FOXN3: variants seen among roughly 807,000 people sequenced by gnomAD.
FOXN3 encodes forkhead box N3, also known as forkhead box protein N3.
A neutral mutation model predicts 38.4 loss-of-function variants in FOXN3; 7 were observed. The observed-to-expected ratio is 0.18, with a 90% CI of 0.10 to 0.34. FOXN3 has a LOEUF of 0.34. Among genes scored for constraint, FOXN3 ranks in the 10% least tolerant of loss-of-function variants. The pLI, the probability that FOXN3 is intolerant of heterozygous loss-of-function variation, is 1.00. For synonymous variants in FOXN3, 230 were observed against 242.2 expected, an observed-to-expected ratio of 0.95 and a Z score of 0.47; for missense variants, 456 against 613.4, an observed-to-expected ratio of 0.74 and a Z score of 2.71.
intron 4 of FOXN3, among the ~76,000 whole-genome samples, chr14:89,245,077 A>G (rs966059611): frequency 2.6e-5 from 4 of 152,250 alleles, no homozygotes; most frequent in Non-Finnish European, 5.9e-5. Flanking sequence ...AATGAATTTT[A>G]TAGATGAGAA....
chr14:89,334,857 T>G (rs1291009537), intron 3 of FOXN3, among the ~76,000 whole-genome samples: 2 of 151,994 alleles, frequency 1.3e-5, no homozygotes, highest in Non-Finnish European at 2.9e-5. Context: ...AACCTCCGCC[T>G]CGCAGGTTCA....
intron 1 of FOXN3, among the ~76,000 whole-genome samples, chr14:89,461,865 G>A (rs1046599667): frequency 2.6e-5 from 4 of 152,148 alleles, no homozygotes; most frequent in African/African-American, 9.7e-5. Context: ...AGAAAGCCTT[G>A]ATAGCACCCA....
intron 1 of FOXN3, among the ~76,000 whole-genome samples, chr14:89,611,537 TG>T (rs1170353007): frequency 6.6e-6 from 1 of 152,146 alleles, no homozygotes; most frequent in African/African-American, 2.4e-5. Context: ...CCGGGCGCGG[TG>T]GCTCACGCCT....
intron 2 of FOXN3, among the ~76,000 whole-genome samples, chr14:89,381,049 C>T (rs1001533132): frequency 6.2e-5 from 9 of 145,094 alleles, no homozygotes; most frequent in African/African-American, 1.3e-4. Context: ...GGCTGAGGCA[C>T]GAGAATCACC....
chr14:89,571,884 G>C (rs928222791), intron 1 of FOXN3, among the ~76,000 whole-genome samples: 1 of 152,170 alleles, frequency 6.6e-6, no homozygotes, highest in Non-Finnish European at 1.5e-5. Context: ...TGAGTAGCAT[G>C]GTCCTTGATC....
intron 1 of FOXN3, among the ~76,000 whole-genome samples, chr14:89,454,923 A>AT: frequency 6.6e-6 from 1 of 152,274 alleles, no homozygotes; most frequent in South Asian, 2.1e-4. Flanking sequence ...TATGGTTCCT[A>AT]TATGTTCCAG....
Position 89,297,841 on chromosome 14 carries a change from C to T in FOXN3, c.681-16827G>A, listed in dbSNP as rs28819789. ...AAAAAAAAATTTTTTTTTAAGTCACCGGGTGTGGTGGCACACACCTGTAGT... is the reference window on the plus strand; with the variant it reads ...AAAAAAAAATTTTTTTTTAAGTCACTGGGTGTGGTGGCACACACCTGTAGT... On this transcript the variant is annotated intron_variant, in intron 3 of 5. Coordinates refer to ENST00000557258, the MANE Select transcript of FOXN3 (RefSeq NM_005197.4). Among the ~76,000 whole-genome samples the T allele has an allele frequency of 2.8e-3, 422 of 152,118 alleles. 3 individuals carry two copies. The highest frequency in any genetic ancestry group is 9.0e-3 in the African/African-American group (373 of 41,486).
intron 4 of FOXN3, among the ~76,000 whole-genome samples, chr14:89,200,203 A>G: frequency 6.6e-6 from 1 of 152,158 alleles, no homozygotes; most frequent in Admixed American, 6.5e-5. Flanking sequence ...AAATACAGTG[A>G]CTGGTAAACT....
At chr14:89,472,584 G>C (rs140726922) in intron 1 of FOXN3, among the ~76,000 whole-genome samples, 1 of 151,898 alleles carries the variant, frequency 6.6e-6, no homozygotes, top group Admixed American at 6.6e-5. Flanking sequence ...AGCTGGGCGT[G>C]GTGGCGGACG....
chr14:89,250,947 C>T (rs1456911452), intron 4 of FOXN3, among the ~76,000 whole-genome samples: 1 of 152,200 alleles, frequency 6.6e-6, no homozygotes, highest in Admixed American at 6.5e-5. Context: ...CCTCCCCAGC[C>T]AGGTGGAACT....
At chr14:89,505,372 C>A (rs1445296105) in intron 1 of FOXN3, among the ~76,000 whole-genome samples, 5 of 151,856 alleles carry the variant, frequency 3.3e-5, no homozygotes, top group Non-Finnish European at 7.4e-5. Context: ...TGCAACCTCC[C>A]TGCCTGTTTC....
At chr14:89,292,940 C>T (rs1454331294) in intron 3 of FOXN3, among the ~76,000 whole-genome samples, 2 of 152,230 alleles carry the variant, frequency 1.3e-5, no homozygotes, top group African/African-American at 4.8e-5. Context: ...ATCCTTTCCA[C>T]CTTTAGCTAC....
At chr14:89,443,435 T>C (rs888655127) in intron 1 of FOXN3, among the ~76,000 whole-genome samples, 8 of 152,140 alleles carry the variant, frequency 5.3e-5, no homozygotes, top group African/African-American at 1.4e-4. Context: ...AAAGACAATA[T>C]GTGATAAGGG....
At chr14:89,454,714 C>CTTA (rs1485120491) in intron 1 of FOXN3, among the ~76,000 whole-genome samples, 3 of 152,196 alleles carry the variant, frequency 2.0e-5, no homozygotes, top group African/African-American at 7.2e-5. Flanking sequence ...GATAGAAGTG[C>CTTA]TTATCATAGC....
chr14:89,431,545 A>G (rs1596270555), intron 1 of FOXN3, among the ~76,000 whole-genome samples: 2 of 152,254 alleles, frequency 1.3e-5, no homozygotes, highest in East Asian at 3.9e-4. Flanking sequence ...GTAGCTAGTC[A>G]AAAGCCATTC....
rs1424465984 is a variant in FOXN3, at chr14:89,195,937, G to A, written c.746-15131C>T. Among the ~76,000 whole-genome samples the A allele has an allele frequency of 2.6e-5, 4 of 152,178 alleles. No homozygotes were observed. The East Asian group carries it at 7.7e-4, about 29-fold the overall frequency. ...AGTATCACACCAAGCATGCTGTCAT[G>A]GGTGCTGAATAGAGTTATGACCAAC... is the stretch of plus-strand genomic sequence containing the variant. On this transcript the variant is annotated intron_variant, in intron 4 of 5. Coordinates refer to ENST00000557258, the MANE Select transcript of FOXN3 (RefSeq NM_005197.4).
At chr14:89,416,734 C>T (rs943858530) in intron 1 of FOXN3, 137 bp downstream of exon 1, 2 of 152,346 alleles carry the variant, frequency 1.3e-5, no homozygotes, top group African/African-American at 4.8e-5. Flanking sequence ...CACACCCGAC[C>T]CTCCCCCCAG....
intron 4 of FOXN3, among the ~76,000 whole-genome samples, chr14:89,213,337 G>C (rs1884159904): frequency 6.6e-6 from 1 of 152,214 alleles, no homozygotes; most frequent in Non-Finnish European, 1.5e-5. Context: ...CAAGACAGGG[G>C]CTCATTCTTA....
chr14:89,518,204 C>T (rs1343932926), intron 1 of FOXN3, among the ~76,000 whole-genome samples: 1 of 152,218 alleles, frequency 6.6e-6, no homozygotes, highest in Non-Finnish European at 1.5e-5. Context: ...TTCCCTTATC[C>T]TCCCCTTCTG....
Sources: allele counts gnomAD v4.1 joint callset (sites outside exome capture counted in the v4.1 genomes callset), GRCh38; gene constraint gnomAD v4.1.1; transcripts MANE v1.5; gene names NCBI Gene and HGNC (gene_info 2026-07-23, HGNC 2026-07-21).